Variants in ADAMTSL1 observed in about 807,000 individuals in gnomAD.
ADAMTSL1 encodes ADAMTS-like protein 1.
In ADAMTSL1, 126 loss-of-function variants were observed where a neutral mutation model predicts 201.8. The observed-to-expected ratio is 0.62, with a 90% CI of 0.54 to 0.72. The LOEUF is 0.72. Among genes scored for constraint, ADAMTSL1 ranks in the 30% least tolerant of loss-of-function variants. ADAMTSL1 has a pLI of 0.00. For missense variants in ADAMTSL1, 2,679 were observed against 2,277.8 expected, an observed-to-expected ratio of 1.18 and a Z score of -3.59; for synonymous variants, 1,121 against 903.4, an observed-to-expected ratio of 1.24 and a Z score of -4.32.
At chr9:18,905,938 C>T in intron 27 of ADAMTSL1, 47 bp downstream of exon 27, 1 of 1,473,758 alleles carries the variant, frequency 6.8e-7, no homozygotes, top group Non-Finnish European at 9.3e-7. Flanking sequence ...ATGTCAACAG[C>T]ACGGAAAGAT....
chr9:18,276,091 G>A (rs1174783798), intron 2 of ADAMTSL1, among the ~76,000 whole-genome samples: 1 of 151,892 alleles, frequency 6.6e-6, no homozygotes, highest in East Asian at 1.9e-4. Context: ...AGTTATCCCA[G>A]TGGTTGTGTA....
At chr9:18,773,654 A>G (rs993388316) in intron 17 of ADAMTSL1, among the ~76,000 whole-genome samples, 1 of 152,200 alleles carries the variant, frequency 6.6e-6, no homozygotes, top group African/African-American at 2.4e-5. Flanking sequence ...TAGTTATGGA[A>G]CACAGTTTTA....
intron 1 of ADAMTSL1, among the ~76,000 whole-genome samples, chr9:17,972,926 A>T (rs1002587749): frequency 5.3e-5 from 8 of 149,704 alleles, no homozygotes; most frequent in African/African-American, 2.0e-4. Flanking sequence ...GATGATGGGC[A>T]TTTTTTCATG....
In ADAMTSL1 at chr9:18,226,557, A is replaced by G. The variant is rs527671898; in HGVS notation, c.207+62576A>G. On this transcript the variant is annotated intron_variant, in intron 2 of 29. Transcript: ENST00000680146. ...TTTTCAGAACTTTCTACCTCCCTCCAGATATTTCAGTTTCATTCTTCCTTC... is the reference window on the plus strand; with the variant it reads ...TTTTCAGAACTTTCTACCTCCCTCCGGATATTTCAGTTTCATTCTTCCTTC... Among the ~76,000 whole-genome samples the G allele has an allele frequency of 1.1e-3, 170 of 152,096 alleles. 1 individual carries two copies. The highest frequency in any genetic ancestry group is 1.2e-3 in the Non-Finnish European group (81 of 68,012).
intron 2 of ADAMTSL1, among the ~76,000 whole-genome samples, chr9:18,336,490 A>G (rs1835247869): frequency 6.6e-6 from 1 of 152,166 alleles, no homozygotes; most frequent in African/African-American, 2.4e-5. Context: ...AAAAACATAC[A>G]ATGTTGAAGA....
chr9:17,983,187 C>T (rs1039932355), intron 1 of ADAMTSL1, among the ~76,000 whole-genome samples: 3 of 151,620 alleles, frequency 2.0e-5, no homozygotes, highest in Admixed American at 2.0e-4. Flanking sequence ...TCTCCTGCCT[C>T]AGCCTCCCGA....
chr9:18,160,397 T>C (rs1479610594), intron 1 of ADAMTSL1, among the ~76,000 whole-genome samples: 4 of 151,986 alleles, frequency 2.6e-5, no homozygotes, highest in Non-Finnish European at 5.9e-5. Flanking sequence ...TTTTAAGAGA[T>C]ACTCTCTGGC....
At chr9:18,203,399 T>G (rs1400714582) in intron 2 of ADAMTSL1, among the ~76,000 whole-genome samples, 1 of 151,922 alleles carries the variant, frequency 6.6e-6, no homozygotes, top group African/African-American at 2.4e-5. Context: ...AAGTCCATAT[T>G]AAATCTATTA....
chr9:18,699,946 A>G (rs1831824501), intron 13 of ADAMTSL1, among the ~76,000 whole-genome samples: 1 of 152,220 alleles, frequency 6.6e-6, no homozygotes. Flanking sequence ...AGAGACCTCA[A>G]TATGAGTTGC....
chr9:18,597,145 T>C (rs938261541), intron 4 of ADAMTSL1, among the ~76,000 whole-genome samples: 3 of 152,228 alleles, frequency 2.0e-5, no homozygotes, highest in Non-Finnish European at 4.4e-5. Context: ...CTCTGTTGGC[T>C]ATTTTTGTCT....
rs1053440024 is a variant in ADAMTSL1 at position 18,674,441 on chromosome 9, C to T, written c.1086-1416C>T. On this transcript the variant is annotated intron_variant, in intron 9 of 28. Coordinates refer to ENST00000380548, the MANE Select transcript of ADAMTSL1 (RefSeq NM_001040272.6). ...TCCCCTAACCTTTCAGTAATTTCTT[C>T]AGAAACTATGCAGGCCCCTTTATCC... is the stretch of plus-strand genomic sequence containing the variant. Among the ~76,000 whole-genome samples, 12 of 151,988 alleles carry T rather than the reference C, an allele frequency of 7.9e-5. No individual in the cohort carries two copies. The South Asian group carries it at 1.7e-3, about 21-fold the overall frequency.
intron 1 of ADAMTSL1, among the ~76,000 whole-genome samples, chr9:18,493,513 T>C (rs981000539): frequency 2.0e-5 from 3 of 152,208 alleles, no homozygotes; most frequent in African/African-American, 7.2e-5. Flanking sequence ...AATTGTTTAC[T>C]CAGTGACAGG....
At chr9:18,697,740 A>G (rs1831641844) in intron 13 of ADAMTSL1, among the ~76,000 whole-genome samples, 1 of 152,246 alleles carries the variant, frequency 6.6e-6, no homozygotes, top group Admixed American at 6.5e-5. Context: ...TGAGGGGTCA[A>G]GAATAACTCC....
At chr9:18,538,319 TGAAACAGGAGGCAAAGG>T (rs1819920258) in intron 3 of ADAMTSL1, among the ~76,000 whole-genome samples, 3 of 152,100 alleles carry the variant, frequency 2.0e-5, no homozygotes, top group African/African-American at 7.2e-5. Flanking sequence ...CATTGTTGTG[TGAAACAGGAGGCAAAGG>T]CCGCGGCATT....
intron 4 of ADAMTSL1, among the ~76,000 whole-genome samples, chr9:18,590,770 C>T (rs543897142): frequency 6.6e-6 from 1 of 152,150 alleles, no homozygotes; most frequent in South Asian, 2.1e-4. Context: ...TGTATTGACT[C>T]AGTAAGCATT....
rs187773582 is a variant in ADAMTSL1, at chr9:18,489,624, C to T, written c.64-15205C>T. Among the ~76,000 whole-genome samples, 156 of 152,256 alleles carry T rather than the reference C, an allele frequency of 1.0e-3. No homozygotes were observed. In the Middle Eastern group the frequency reaches 0.014, roughly 13 times the overall value. The stretch of plus-strand genomic sequence containing the variant: ...ATTTGAAGGGACAAAATAAAACATA[C>T]GCTGAGAACATTCAGTCTTCCACAC... On this transcript the variant is annotated intron_variant, in intron 1 of 28. Transcript: ENST00000380548.
chr9:18,870,353 T>G (rs948996038), intron 23 of ADAMTSL1, among the ~76,000 whole-genome samples: 1 of 152,226 alleles, frequency 6.6e-6, no homozygotes, highest in African/African-American at 2.4e-5. Context: ...TATGTTCCTC[T>G]GAAGAACATT....
intron 5 of ADAMTSL1, among the ~76,000 whole-genome samples, chr9:18,629,511 T>C (rs947183074): frequency 3.9e-5 from 6 of 152,186 alleles, no homozygotes; most frequent in African/African-American, 1.4e-4. Context: ...TCCTGTGGTT[T>C]TTCTTCTTTA....
intron 1 of ADAMTSL1, among the ~76,000 whole-genome samples, chr9:17,956,503 A>G (rs1827937620): frequency 6.6e-6 from 1 of 152,146 alleles, no homozygotes; most frequent in South Asian, 2.1e-4. Flanking sequence ...ACAGCAGAAA[A>G]TTCCAGAGTA....
Sources: allele counts gnomAD v4.1 joint callset (sites outside exome capture counted in the v4.1 genomes callset), GRCh38; gene constraint gnomAD v4.1.1; transcripts MANE v1.5; gene names NCBI Gene and HGNC (gene_info 2026-07-23, HGNC 2026-07-21).